MTUS2: variants seen among roughly 807,000 people sequenced by gnomAD.
MTUS2 encodes the protein microtubule associated scaffold protein 2.
Under a neutral mutation model 114.1 loss-of-function variants are expected in MTUS2, and 40 were observed. The observed-to-expected ratio is 0.35, with a 90% CI of 0.27 to 0.46. The LOEUF is 0.46. Among genes scored for constraint, MTUS2 ranks in the 20% least tolerant of loss-of-function variants. MTUS2 has a pLI of 1.00. For synonymous variants in MTUS2, 688 were observed against 672.0 expected (o/e 1.02, Z -0.37); for missense variants, 1,679 against 1,705.4 (o/e 0.98, Z 0.27).
chr13:29,483,740 A>G (rs996660885), intron 10 of MTUS2, among the ~76,000 whole-genome samples: 1 of 152,200 alleles, frequency 6.6e-6, no homozygotes, highest in African/African-American at 2.4e-5. Flanking sequence ...TAAAGGTGCA[A>G]TTATAAAGGT....
intron 5 of MTUS2, among the ~76,000 whole-genome samples, chr13:29,258,258 C>G (rs987947791): frequency 1.6e-4 from 25 of 152,290 alleles, no homozygotes; most frequent in African/African-American, 6.0e-4. Context: ...GACTGAGGTA[C>G]CCTTTGCTTG....
intron 2 of MTUS2, among the ~76,000 whole-genome samples, chr13:28,945,698 G>C (rs1006676125): frequency 6.6e-6 from 1 of 152,094 alleles, no homozygotes; most frequent in Non-Finnish European, 1.5e-5. Context: ...TTGTTGTTGA[G>C]TTGTTTGAGT....
intron 5 of MTUS2, among the ~76,000 whole-genome samples, chr13:29,214,202 T>G (rs1034373863): frequency 1.3e-5 from 2 of 152,060 alleles, no homozygotes; most frequent in African/African-American, 4.8e-5. Flanking sequence ...TTGCTTTCCA[T>G]TTGCTTGGTA....
chr13:28,845,639 T>G (rs1488902038), intron 2 of MTUS2, among the ~76,000 whole-genome samples: 1 of 152,014 alleles, frequency 6.6e-6, no homozygotes, highest in South Asian at 2.1e-4. Flanking sequence ...GTCCCTGTTA[T>G]GTTCCCTCTC....
At chr13:29,450,928 C>T (rs1012282480) in intron 9 of MTUS2, among the ~76,000 whole-genome samples, 3 of 152,060 alleles carry the variant, frequency 2.0e-5, no homozygotes, top group African/African-American at 7.3e-5. Context: ...AACAATAGAG[C>T]TTCAAAACAC....
chr13:29,158,358 C>CCCCCCCCTTTTT, intron 5 of MTUS2, among the ~76,000 whole-genome samples: 27 of 32,042 alleles, frequency 8.4e-4, no homozygotes, highest in East Asian at 2.5e-3. Context: ...GTCCACCCCG[C>CCCCCCCCTTTTT]TTTTTTTTTT....
intron 5 of MTUS2, among the ~76,000 whole-genome samples, chr13:29,181,228 CT>C (rs57394753): frequency 1.3e-5 from 2 of 151,610 alleles, no homozygotes; most frequent in African/African-American, 2.4e-5. Context: ...CTGTGTAACC[CT>C]ATCAGCCACT....
chr13:29,078,135 T>C, intron 4 of MTUS2, among the ~76,000 whole-genome samples: 1 of 127,892 alleles, frequency 7.8e-6, no homozygotes, highest in East Asian at 2.1e-4. Context: ...AATATAATGA[T>C]AAAAATGAAA....
chr13:29,281,224 A>G (rs149688739), intron 5 of MTUS2, among the ~76,000 whole-genome samples: 21 of 152,190 alleles, frequency 1.4e-4, no homozygotes, highest in Non-Finnish European at 2.5e-4. Context: ...GATTTCAGGG[A>G]TCTCTGAATA....
At chr13:28,920,292 A>G (rs919264523) in intron 2 of MTUS2, among the ~76,000 whole-genome samples, 2 of 152,254 alleles carry the variant, frequency 1.3e-5, no homozygotes, top group Non-Finnish European at 2.9e-5. Flanking sequence ...CTCAAACCCA[A>G]TAACACTGTG....
chr13:29,308,119 C>G (rs1270473473), intron 6 of MTUS2, among the ~76,000 whole-genome samples: 1 of 152,162 alleles, frequency 6.6e-6, no homozygotes, highest in Admixed American at 6.6e-5. Context: ...CCAAAAAGAA[C>G]AAAGCTGTAG....
intron 4 of MTUS2, among the ~76,000 whole-genome samples, chr13:29,055,817 G>GCATTTTT (rs1190013123): frequency 6.7e-6 from 1 of 149,812 alleles, no homozygotes; most frequent in Non-Finnish European, 1.5e-5. Flanking sequence ...GTAATGTTGG[G>GCATTTTT]CATTTTTTCA....
At chr13:29,487,303 G>C (rs1444953789) in intron 10 of MTUS2, among the ~76,000 whole-genome samples, 1 of 152,168 alleles carries the variant, frequency 6.6e-6, no homozygotes, top group Admixed American at 6.5e-5. Context: ...CTCGCCTTTG[G>C]AGTCAGACAG....
chr13:28,873,525 T>C (rs574691510), intron 2 of MTUS2, among the ~76,000 whole-genome samples: 5 of 152,358 alleles, frequency 3.3e-5, no homozygotes, highest in African/African-American at 9.6e-5. Context: ...ACATATAAAA[T>C]TAGTTCCCAC....
chr13:28,850,936 G>A (rs1876226997), intron 2 of MTUS2, among the ~76,000 whole-genome samples: 1 of 152,134 alleles, frequency 6.6e-6, no homozygotes, highest in South Asian at 2.1e-4. Context: ...TTTATTTTTA[G>A]ATGAAAATTT....
At chr13:29,066,899 G>A (rs982052824) in intron 4 of MTUS2, among the ~76,000 whole-genome samples, 1 of 152,244 alleles carries the variant, frequency 6.6e-6, no homozygotes, top group Admixed American at 6.5e-5. Flanking sequence ...AAGCCAAGTT[G>A]TGTTGGATTT....
chr13:29,021,897 T>C (rs1301922873), intron 2 of MTUS2, among the ~76,000 whole-genome samples: 2 of 152,142 alleles, frequency 1.3e-5, no homozygotes. Flanking sequence ...GAGGGCTATA[T>C]TGGGGTCAGG....
chr13:29,324,577 A>G, intron 6 of MTUS2, 36 bp from the exon 7 acceptor site: 1 of 1,474,758 alleles, frequency 6.8e-7, no homozygotes, highest in South Asian at 1.2e-5. Flanking sequence ...TAAGTAGCTT[A>G]CTTTCTACCT....
chr13:29,387,037 C>T (rs1872672805), intron 8 of MTUS2, among the ~76,000 whole-genome samples: 1 of 152,206 alleles, frequency 6.6e-6, no homozygotes, highest in Non-Finnish European at 1.5e-5. Flanking sequence ...TTACTTAGTG[C>T]TTACTATGTG....
Sources: allele counts gnomAD v4.1 joint callset (sites outside exome capture counted in the v4.1 genomes callset), GRCh38; gene constraint gnomAD v4.1.1; transcripts MANE v1.5; gene names NCBI Gene and HGNC (gene_info 2026-07-23, HGNC 2026-07-21).